The following NLRP13 variants were observed in gnomAD, a reference collection of about 807,000 sequenced individuals.
The protein encoded by NLRP13 is NLR family pyrin domain containing 13, also known as NACHT, LRR and PYD domains-containing protein 13.
NLRP13 carries 82 observed loss-of-function variants against 94.4 expected under a neutral mutation model. The ratio of observed to expected loss-of-function variants is 0.87; its 90% CI spans 0.73 to 1.04. The LOEUF (loss-of-function observed/expected upper bound fraction) is 1.04. Among genes scored for constraint, NLRP13 ranks in the 50% least tolerant of loss-of-function variants. The pLI, the probability that NLRP13 is intolerant of heterozygous loss-of-function variation, is 0.00. For missense variants in NLRP13, 1,426 were observed against 1,230.8 expected (o/e 1.16, Z -2.37); for synonymous variants, 553 against 464.7 (o/e 1.19, Z -2.45).
At chr19:55,903,873 G>A (rs1986262434) in intron 8 of NLRP13, among the ~76,000 whole-genome samples, 1 of 152,076 alleles carries the variant, frequency 6.6e-6, no homozygotes, top group East Asian at 1.9e-4. Flanking sequence ...TTTTTGTCCG[G>A]ACTGTAGTCC....
intron 1 of NLRP13, among the ~76,000 whole-genome samples, chr19:55,926,168 A>C (rs1353413165): frequency 6.6e-6 from 1 of 152,176 alleles, no homozygotes. Flanking sequence ...CAACGATGTG[A>C]GCCTTCCAGG....
chr19:55,901,893 C>G, intron 9 of NLRP13, 142 bp downstream of exon 9: 2 of 833,678 alleles, frequency 2.4e-6, no homozygotes, highest in South Asian at 1.8e-5. Flanking sequence ...CCATCCCACA[C>G]CCCCGACAAA....
At chr19:55,895,151 G>GACGCC (rs1985968460), downstream of NLRP13, among the ~76,000 whole-genome samples, 1 of 151,068 alleles carries the variant, frequency 6.6e-6, no homozygotes, top group African/African-American at 2.4e-5. Context: ...CAGCACTTTG[G>GACGCC]GAGGCGGGCC....
chr19:55,907,606 A>G (rs945696073), intron 7 of NLRP13, among the ~76,000 whole-genome samples, 186 bp downstream of exon 7: 2 of 152,112 alleles, frequency 1.3e-5, no homozygotes, highest in Non-Finnish European at 2.9e-5. Flanking sequence ...ACCTCCCCCA[A>G]GGTGAGGCTA....
rs992417418 is a variant in NLRP13, at chr19:55,932,280, C to G, written c.32G>C (p.Gly11Ala). 1 of 1,608,510 alleles carries G rather than the reference C, an allele frequency of 6.2e-7. No homozygotes were observed. Among genetic ancestry groups the G allele is most frequent in the Admixed American group, 1.7e-5 (1 of 57,802 alleles). Residue 11 changes from glycine (G) to alanine (A), a missense_variant, in exon 1 of 11, where the codon GGT becomes GCT. By Grantham distance (60) the Gly-to-Ala change is moderately conservative. Transcript: ENST00000342929. MNFSVITCPN[G>A]GTNQGLLPYL... Reference sequence around the variant, plus strand: ...AGGCAGAAGCCCTTGGTTGGTACCACCGTTGGGGCAGGTGATTACAGAAAA... The same window carrying G: ...AGGCAGAAGCCCTTGGTTGGTACCAGCGTTGGGGCAGGTGATTACAGAAAA...
At position 55,898,876 on chromosome 19, in the gene NLRP13, T is replaced by C; in HGVS notation, c.2851A>G (p.Asn951Asp). ...AAATCCAAGATTTTCACATTATGAT[T>C]ATGGCTGAGGGCATTAGCCAGCTCT... is the stretch of plus-strand genomic sequence containing the variant. Reference protein sequence around the residue: ...CGELANALSHNHNVKILDLGE... With the variant: ...CGELANALSHDHNVKILDLGE... Residue 951 changes from asparagine (N) to aspartate (D), a missense_variant, in exon 10 of 11, where the codon AAT becomes GAT. Transcript: ENST00000342929. The C allele has an allele frequency of 6.2e-7, 1 of 1,614,042 alleles. No homozygotes were observed. The highest frequency in any genetic ancestry group is 8.5e-7 in the Non-Finnish European group (1 of 1,179,982).
intron 4 of NLRP13, among the ~76,000 whole-genome samples, chr19:55,923,062 A>G (rs1396183667): frequency 3.3e-5 from 5 of 152,188 alleles, no homozygotes; most frequent in Non-Finnish European, 5.9e-5. Context: ...CTAAACTTAG[A>G]ACTAGAATGT....
At chr19:55,930,874 TTATATATA>T (rs372288236) in intron 1 of NLRP13, among the ~76,000 whole-genome samples, 1 of 70,208 alleles carries the variant, frequency 1.4e-5, no homozygotes, top group Non-Finnish European at 2.5e-5. Flanking sequence ...GAATCAGTGA[TTATATATA>T]TATATATATA....
chr19:55,897,152 A>T (rs554676730), intron 10 of NLRP13, among the ~76,000 whole-genome samples: 1 of 152,338 alleles, frequency 6.6e-6, no homozygotes, highest in East Asian at 1.9e-4. Flanking sequence ...TACTAGAAAC[A>T]CAAAGACAAA....
chr19:55,905,436 T>C (rs143539016), intron 7 of NLRP13, among the ~76,000 whole-genome samples: 2 of 150,016 alleles, frequency 1.3e-5, no homozygotes, highest in African/African-American at 2.5e-5. Context: ...TACACACACA[T>C]ATATATGTAT....
chr19:55,909,404 T>A (rs1031728250), intron 6 of NLRP13, among the ~76,000 whole-genome samples: 6 of 152,146 alleles, frequency 3.9e-5, no homozygotes, highest in African/African-American at 1.4e-4. Flanking sequence ...ACATACTTTT[T>A]CCCTTTTCTG....
chr19:55,904,272 A>G (rs1986273129), intron 8 of NLRP13, among the ~76,000 whole-genome samples: 1 of 152,062 alleles, frequency 6.6e-6, no homozygotes, highest in African/African-American at 2.4e-5. Flanking sequence ...TATCTTTAGT[A>G]GAGATGGGGT....
At chr19:55,929,705 A>G (rs971577520) in intron 1 of NLRP13, among the ~76,000 whole-genome samples, 2 of 152,168 alleles carry the variant, frequency 1.3e-5, no homozygotes, top group Non-Finnish European at 1.5e-5. Flanking sequence ...GCAAACCACA[A>G]TGGCATGTGT....
At chr19:55,928,606 G>GT (rs1211875997) in intron 1 of NLRP13, among the ~76,000 whole-genome samples, 2 of 152,104 alleles carry the variant, frequency 1.3e-5, no homozygotes, top group African/African-American at 4.8e-5. Context: ...CAACAAGAAA[G>GT]TAAGTTCTTC....
Position 55,931,990 on chromosome 19 carries a change from C to T in NLRP13, c.319+3G>A, listed in dbSNP as rs746500317. The T allele has an allele frequency of 4.3e-6, 7 of 1,612,752 alleles. No individual in the cohort carries two copies. The highest frequency in any genetic ancestry group is 1.1e-5 in the South Asian group (1 of 90,942). ...TCCCGCCTTCCTTCTTGAGGACTCT[C>T]ACCTTTCATCTCGGCTCTAACTTTC... On this transcript the variant is annotated splice_donor_region_variant and intron_variant, in intron 1 of 10. Coordinates refer to ENST00000342929, the MANE Select transcript of NLRP13 (RefSeq NM_176810.2).
At position 55,896,107 on chromosome 19, in the gene NLRP13, G is replaced by T. The variant is rs147725847; in HGVS notation, c.2970C>A (p.Cys990Ter). ...RALHTLGLAK[C>*]NLTTACCQHL... ...GCTGGCAGCAAGCAGTTGTCAGATT[G>T]CATTTCGCCAACCTAGGGGCGGGTG... Residue 990 changes from cysteine (C) to a stop codon, truncating the protein, a stop_gained, in exon 11 of 11, where the codon TGC (cysteine) becomes TGA (stop). Coordinates refer to ENST00000342929, the MANE Select transcript of NLRP13 (RefSeq NM_176810.2). LOFTEE classifies it low-confidence loss of function (END_TRUNC). The T allele has an allele frequency of 1.2e-4, 197 of 1,614,070 alleles. No individual in the cohort carries two copies. Among genetic ancestry groups the T allele is most frequent in the Non-Finnish European group, 1.6e-4 (184 of 1,179,976 alleles).
chr19:55,892,384 CACAT>C (rs1985879234), downstream of NLRP13, among the ~76,000 whole-genome samples: 1 of 52,734 alleles, frequency 1.9e-5, no homozygotes, highest in East Asian at 2.8e-3. Context: ...TATATACACA[CACAT>C]ACACACACAC....
At chr19:55,893,329 G>T (rs888694690), downstream of NLRP13, among the ~76,000 whole-genome samples, 1 of 151,960 alleles carries the variant, frequency 6.6e-6, no homozygotes, top group Admixed American at 6.6e-5. Flanking sequence ...CGGAGGGTGC[G>T]GTGAGCCGAG....
intron 4 of NLRP13, among the ~76,000 whole-genome samples, chr19:55,921,871 T>A (rs1393276850): frequency 1.3e-5 from 2 of 152,194 alleles, no homozygotes; most frequent in Non-Finnish European, 2.9e-5. Context: ...AGAACAGATC[T>A]TCCCCAGAGC....
Sources: gnomAD v4.1 joint callset for allele counts (sites outside exome capture counted in the v4.1 genomes callset) on GRCh38, gnomAD v4.1.1 for gene constraint, MANE v1.5 for transcripts, NCBI Gene and HGNC (gene_info 2026-07-23, HGNC 2026-07-21) for gene names.